MBOAT2: variants seen among roughly 807,000 people sequenced by gnomAD.
The protein encoded by MBOAT2 is membrane-bound glycerophospholipid O-acyltransferase 2.
MBOAT2 carries 28 observed loss-of-function variants against 63.4 expected under a neutral mutation model. That is an observed-to-expected ratio of 0.44 (90% CI 0.33 to 0.61). MBOAT2 has a LOEUF of 0.61. Ranked by LOEUF, MBOAT2 falls within the 20% of genes least tolerant of loss-of-function variation. The pLI, the probability that MBOAT2 is intolerant of heterozygous loss-of-function variation, is 0.03. For synonymous variants in MBOAT2, 211 were observed against 215.6 expected (o/e 0.98, Z 0.19); for missense variants, 470 against 605.8 (o/e 0.78, Z 2.35).
intron 1 of MBOAT2, among the ~76,000 whole-genome samples, chr2:8,981,008 T>C (rs1671158445): frequency 6.6e-6 from 1 of 152,184 alleles, no homozygotes; most frequent in Admixed American, 6.5e-5. Flanking sequence ...AATGAAATAT[T>C]ATTTGGCAAT....
intron 4 of MBOAT2, among the ~76,000 whole-genome samples, chr2:8,888,747 G>C (rs944176270): frequency 1.3e-5 from 2 of 152,062 alleles, no homozygotes; most frequent in African/African-American, 4.8e-5. Context: ...AACAGTTAAG[G>C]CTGGGCACGG....
chr2:8,931,085 C>A lies in MBOAT2; in HGVS notation c.299+12102G>T, dbSNP rs533906907. Among the ~76,000 whole-genome samples, 272 of 152,248 alleles carry A rather than the reference C, an allele frequency of 1.8e-3. 1 individual carries two copies. The highest frequency in any genetic ancestry group is 7.9e-3 in the South Asian group (38 of 4,826). On this transcript the variant is annotated intron_variant, in intron 3 of 12. Coordinates refer to ENST00000305997, the MANE Select transcript of MBOAT2 (RefSeq NM_138799.4). ...GCTGGGTCAAATGGTATTTCTGGTT[C>A]TAGATCTTTGAGGAATCGCCACACT...
chr2:8,895,552 G>A (rs937327091), intron 4 of MBOAT2, among the ~76,000 whole-genome samples: 4 of 151,434 alleles, frequency 2.6e-5, no homozygotes, highest in Non-Finnish European at 5.9e-5. Context: ...GCTGATTGGT[G>A]CATTTACAAT....
chr2:8,968,041 G>C (rs62119985), intron 1 of MBOAT2, among the ~76,000 whole-genome samples: 8,528 of 151,820 alleles, frequency 0.056, 235 homozygotes, highest in Middle Eastern at 0.075. Flanking sequence ...GTGGTTCTTC[G>C]AGCACGGAGT....
intron 4 of MBOAT2, among the ~76,000 whole-genome samples, chr2:8,906,489 A>G (rs1013575335): frequency 1.6e-4 from 24 of 152,244 alleles, no homozygotes; most frequent in Admixed American, 1.5e-3. Flanking sequence ...ACAAGAAGGA[A>G]GGAGTCTGGT....
At chr2:8,947,505 G>A (rs1030851127) in intron 2 of MBOAT2, among the ~76,000 whole-genome samples, 2 of 152,138 alleles carry the variant, frequency 1.3e-5, no homozygotes, top group African/African-American at 2.4e-5. Context: ...TAGCTAGAGA[G>A]GAGAAGTCAA....
intron 3 of MBOAT2, among the ~76,000 whole-genome samples, chr2:8,924,818 C>A (rs1330058742): frequency 1.3e-5 from 2 of 151,110 alleles, no homozygotes. Flanking sequence ...AGCTAAAATA[C>A]ACAAATAAAT....
chr2:8,946,943 C>T (rs1039104219), intron 2 of MBOAT2, among the ~76,000 whole-genome samples: 1 of 152,158 alleles, frequency 6.6e-6, no homozygotes, highest in Admixed American at 6.5e-5. Context: ...ATGTCTCTCA[C>T]GTTAAATCAA....
chr2:8,914,934 CTT>C (rs938665533), intron 3 of MBOAT2, among the ~76,000 whole-genome samples: 42 of 60,220 alleles, frequency 7.0e-4, no homozygotes, highest in Middle Eastern at 0.017. Context: ...CTGGAAATTT[CTT>C]TTTTTTTTTT....
intron 3 of MBOAT2, among the ~76,000 whole-genome samples, chr2:8,938,114 T>A (rs1194052593): frequency 6.6e-6 from 1 of 152,184 alleles, no homozygotes; most frequent in Non-Finnish European, 1.5e-5. Flanking sequence ...CATTTTTTTA[T>A]AGGCAAGGCA....
At chr2:8,883,981 G>C (rs900431727) in intron 5 of MBOAT2, among the ~76,000 whole-genome samples, 6 of 151,622 alleles carry the variant, frequency 4.0e-5, no homozygotes, top group African/African-American at 1.5e-4. Flanking sequence ...CCAGTACTTT[G>C]GGAGGCCAAG....
chr2:8,921,544 A>G (rs978226605), intron 3 of MBOAT2, among the ~76,000 whole-genome samples: 1 of 152,190 alleles, frequency 6.6e-6, no homozygotes, highest in Admixed American at 6.5e-5. Flanking sequence ...GGAGCTTCTC[A>G]TTCCTTCCTA....
intron 3 of MBOAT2, among the ~76,000 whole-genome samples, chr2:8,942,777 T>C (rs1277956368): frequency 1.3e-5 from 2 of 152,226 alleles, no homozygotes; most frequent in Non-Finnish European, 2.9e-5. Context: ...CTCAGTTCAC[T>C]GCATCTCTCC....
At chr2:8,901,657 A>G (rs759019187) in intron 4 of MBOAT2, among the ~76,000 whole-genome samples, 4 of 152,176 alleles carry the variant, frequency 2.6e-5, no homozygotes, top group Non-Finnish European at 5.9e-5. Flanking sequence ...AGCTTCAGGA[A>G]TAGTTTTTGT....
Position 8,853,284 on chromosome 2 carries a change from T to G in MBOAT2, c.*5395A>C, listed in dbSNP as rs137895822. 423 of 152,352 alleles carry G rather than the reference T, an allele frequency of 2.8e-3. 4 individuals are homozygous for G. Among genetic ancestry groups the G allele is most frequent in the African/African-American group, 9.2e-3 (383 of 41,582 alleles). The allele number at this position is 152,352 out of a possible 1,614,324, so 9.4% of individuals were successfully genotyped here. A position where few individuals can be genotyped will look rare whatever the true frequency, so the allele number is the denominator to read the frequency against. ...AAGACTGGTTTGGAACACATTTGTG[T>G]TCAATGTTTGATTCCTTTTTCCTTG... On this transcript the variant is annotated 3_prime_UTR_variant, in exon 13 of 13. Transcript: ENST00000305997.
At chr2:8,868,693 G>T in intron 8 of MBOAT2, 144 bp from the exon 9 acceptor site, 2 of 658,086 alleles carry the variant, frequency 3.0e-6, no homozygotes, top group South Asian at 2.1e-5. Flanking sequence ...AAACAACATC[G>T]CATACAATGA....
intron 4 of MBOAT2, among the ~76,000 whole-genome samples, chr2:8,901,026 C>G (rs1295318069): frequency 6.6e-6 from 1 of 152,106 alleles, no homozygotes; most frequent in Non-Finnish European, 1.5e-5. Flanking sequence ...ACAAAACCAC[C>G]CATGGTTTTG....
intron 1 of MBOAT2, among the ~76,000 whole-genome samples, chr2:8,980,691 G>A (rs373296280): frequency 6.6e-6 from 1 of 152,092 alleles, no homozygotes; most frequent in East Asian, 1.9e-4. Context: ...CCACCAAGAT[G>A]CCTACAATCA....
intron 1 of MBOAT2, among the ~76,000 whole-genome samples, chr2:8,972,961 C>G (rs892477146): frequency 6.6e-6 from 1 of 152,140 alleles, no homozygotes; most frequent in African/African-American, 2.4e-5. Context: ...GACAATGTGA[C>G]GATTCCTCAA....
Sources: allele counts gnomAD v4.1 joint callset (sites outside exome capture counted in the v4.1 genomes callset), GRCh38; gene constraint gnomAD v4.1.1; transcripts MANE v1.5; gene names NCBI Gene and HGNC (gene_info 2026-07-23, HGNC 2026-07-21).